Variants in AFAP1 observed in about 807,000 individuals in gnomAD.
The protein encoded by AFAP1 is actin filament associated protein 1, also known as actin filament-associated protein 1.
In AFAP1, 75 loss-of-function variants were observed where a neutral mutation model predicts 93.9. That is an observed-to-expected ratio of 0.80 (90% confidence interval 0.66 to 0.97). The LOEUF (loss-of-function observed/expected upper bound fraction) is 0.97. Among genes scored for constraint, AFAP1 ranks in the 50% least tolerant of loss-of-function variants. The probability of loss-of-function intolerance (pLI) is 0.00; values close to 1 mark genes in which losing one functional copy is unlikely to be tolerated. For synonymous variants in AFAP1, 517 were observed against 430.7 expected (o/e 1.20, Z -2.48); for missense variants, 1,201 against 1,050.8 (o/e 1.14, Z -1.98).
intron 8 of AFAP1, among the ~76,000 whole-genome samples, chr4:7,814,575 C>T (rs761993411): frequency 1.1e-4 from 16 of 152,216 alleles, no homozygotes; most frequent in Non-Finnish European, 2.2e-4. Flanking sequence ...AGTGGAATGC[C>T]TCCAGCAGCA....
chr4:7,928,853 C>T (rs1213031976), intron 1 of AFAP1, among the ~76,000 whole-genome samples: 2 of 152,222 alleles, frequency 1.3e-5, no homozygotes, highest in Admixed American at 1.3e-4. Flanking sequence ...ATGAGGGGCA[C>T]AGAGAAAGAC....
chr4:7,843,131 T>C lies in AFAP1; in HGVS notation c.546+8A>G. ...TACAAAAAATGCAAGCGATTCCAAA[T>C]GTCTTACCAGCAGTTTGGTGTCTTT... On this transcript the variant is annotated splice_region_variant and intron_variant, in intron 5 of 17. Transcript: ENST00000420658. 6.2e-7 allele frequency: 1 copy of C among 1,612,694 alleles called. No individual in the cohort carries two copies. Among genetic ancestry groups the C allele is most frequent in the Non-Finnish European group, 8.5e-7 (1 of 1,179,198 alleles).
chr4:7,886,411 T>A (rs544831185), intron 1 of AFAP1, among the ~76,000 whole-genome samples: 1 of 152,224 alleles, frequency 6.6e-6, no homozygotes, highest in Non-Finnish European at 1.5e-5. Context: ...ACAATCGCTG[T>A]GCAGTTTCAA....
At chr4:7,898,908 T>C (rs757987648) in intron 1 of AFAP1, among the ~76,000 whole-genome samples, 2 of 150,860 alleles carry the variant, frequency 1.3e-5, no homozygotes, top group African/African-American at 2.4e-5. Flanking sequence ...GGGAGAAATA[T>C]ATATGTGTGT....
chr4:7,778,741 G>C (rs1716419282), intron 14 of AFAP1, 21 bp downstream of exon 14: 1 of 1,607,580 alleles, frequency 6.2e-7, no homozygotes, highest in African/African-American at 1.3e-5. Context: ...CGGAATGCAA[G>C]ACATCCGATG....
chr4:7,840,265 T>TGTGTGTGTGTGC (rs1553844321), intron 5 of AFAP1, among the ~76,000 whole-genome samples: 8 of 69,944 alleles, frequency 1.1e-4, no homozygotes, highest in African/African-American at 1.5e-4. Flanking sequence ...TTTTGGGATG[T>TGTGTGTGTGTGC]GTGTGTGTGT....
intron 1 of AFAP1, among the ~76,000 whole-genome samples, chr4:7,874,245 G>A (rs939849156): frequency 5.3e-5 from 8 of 151,936 alleles, no homozygotes; most frequent in East Asian, 1.9e-4. Flanking sequence ...TTAGGAAACC[G>A]CCACTTGTCA....
chr4:7,844,093 C>T (rs1713385889), intron 4 of AFAP1, among the ~76,000 whole-genome samples: 1 of 152,158 alleles, frequency 6.6e-6, no homozygotes, highest in African/African-American at 2.4e-5. Flanking sequence ...TTCCTGACAC[C>T]TCCAGCAAAC....
chr4:7,773,041 C>G (rs201559896), intron 15 of AFAP1, 31 bp from the exon 16 acceptor site: 2 of 1,594,194 alleles, frequency 1.3e-6, no homozygotes, highest in Non-Finnish European at 1.7e-6. Flanking sequence ...GTTACTCCCG[C>G]GGCAGGCACA....
In AFAP1 at chr4:7,830,720, C is replaced by T. The variant is rs1213351120; in HGVS notation, c.726+7804G>A. ...AACTCCTGGGGCTCCAGCGATCCTCCTGCCTCTGCCCCTCAAGAAGCTGGG... is the reference window on the plus strand; with the variant it reads ...AACTCCTGGGGCTCCAGCGATCCTCTTGCCTCTGCCCCTCAAGAAGCTGGG... On this transcript the variant is annotated intron_variant, in intron 6 of 17. Coordinates refer to ENST00000420658, the MANE Select transcript of AFAP1 (RefSeq NM_001134647.2). Among the ~76,000 whole-genome samples, 7 of 152,218 alleles carry T rather than the reference C, an allele frequency of 4.6e-5. No individual in the cohort carries two copies. In the East Asian group the frequency reaches 1.3e-3, roughly 29 times the overall value.
intron 4 of AFAP1, among the ~76,000 whole-genome samples, chr4:7,848,129 G>GGAAGGAAGGAAGGA (rs1560197086): frequency 1.4e-4 from 9 of 63,554 alleles, no homozygotes; most frequent in East Asian, 1.2e-3. Flanking sequence ...GGAAGGAAGG[G>GGAAGGAAGGAAGGA]AGTGAGTGAG....
chr4:7,938,734 ATTTT>A (rs796821927), intron 1 of AFAP1, among the ~76,000 whole-genome samples: 2 of 150,490 alleles, frequency 1.3e-5, no homozygotes, highest in Non-Finnish European at 1.5e-5. Context: ...GGCTTTCCAG[ATTTT>A]TTTTTTCTTC....
chr4:7,829,987 G>C (rs1021604899), intron 6 of AFAP1, among the ~76,000 whole-genome samples: 10 of 152,152 alleles, frequency 6.6e-5, no homozygotes, highest in Admixed American at 5.9e-4. Context: ...ATGGGAGACA[G>C]ACTATCTTTT....
chr4:7,894,601 G>A, intron 1 of AFAP1, among the ~76,000 whole-genome samples: 1 of 152,160 alleles, frequency 6.6e-6, no homozygotes, highest in East Asian at 1.9e-4. Context: ...CAGGGAGACA[G>A]AGGGGGCCTG....
intron 1 of AFAP1, among the ~76,000 whole-genome samples, chr4:7,895,905 C>T (rs1213812543): frequency 7.3e-6 from 1 of 137,870 alleles, no homozygotes; most frequent in Non-Finnish European, 1.5e-5. Context: ...TATGCCCAGG[C>T]TGGAGTGCAG....
chr4:7,804,442 G>A (rs1430410033), intron 9 of AFAP1, among the ~76,000 whole-genome samples: 1 of 148,228 alleles, frequency 6.7e-6, no homozygotes, highest in Admixed American at 6.8e-5. Context: ...AAAATAAAGA[G>A]TGCAGTTTCT....
intron 6 of AFAP1, among the ~76,000 whole-genome samples, chr4:7,834,982 T>C (rs1431940073): frequency 7.1e-6 from 1 of 141,014 alleles, no homozygotes; most frequent in Non-Finnish European, 1.5e-5. Flanking sequence ...GGGTGGCTCT[T>C]GAATGGACTG....
chr4:7,794,296 G>A (rs1370423587), intron 10 of AFAP1, among the ~76,000 whole-genome samples: 1 of 152,144 alleles, frequency 6.6e-6, no homozygotes, highest in African/African-American at 2.4e-5. Context: ...CCCCCTACAT[G>A]GGCCTGAAAT....
At chr4:7,795,256 G>A (rs1577217199) in intron 10 of AFAP1, among the ~76,000 whole-genome samples, 1 of 152,096 alleles carries the variant, frequency 6.6e-6, no homozygotes, top group East Asian at 1.9e-4. Flanking sequence ...AGGACAAAGG[G>A]AAGGAGTGCC....
Sources: gnomAD v4.1 joint callset for allele counts (sites outside exome capture counted in the v4.1 genomes callset) on GRCh38, gnomAD v4.1.1 for gene constraint, MANE v1.5 for transcripts, NCBI Gene and HGNC (gene_info 2026-07-23, HGNC 2026-07-21) for gene names.